Variants in PLCB4 observed in about 807,000 individuals in gnomAD.
PLCB4 encodes phospholipase C beta 4.
PLCB4 carries 77 observed loss-of-function variants against 178.8 expected under a neutral mutation model. That is an observed-to-expected ratio of 0.43 (90% CI 0.36 to 0.52). The LOEUF (loss-of-function observed/expected upper bound fraction) is 0.52, where lower values mean the gene tolerates loss of function less well. Ranked by LOEUF, PLCB4 falls within the 20% of genes least tolerant of loss-of-function variation. The pLI, the probability that PLCB4 is intolerant of heterozygous loss-of-function variation, is 0.00. For missense variants in PLCB4, 1,024 were observed against 1,453.4 expected (o/e 0.70, Z 4.80); for synonymous variants, 496 against 490.8 (o/e 1.01, Z -0.14).
intron 3 of PLCB4, among the ~76,000 whole-genome samples, chr20:9,233,399 A>G (rs2093955793): frequency 6.6e-6 from 1 of 152,112 alleles, no homozygotes; most frequent in African/African-American, 2.4e-5. Context: ...CCCTGATCTC[A>G]TAAAGGAACA....
At chr20:9,085,884 C>A (rs1045753193) in intron 1 of PLCB4, among the ~76,000 whole-genome samples, 1 of 152,152 alleles carries the variant, frequency 6.6e-6, no homozygotes, top group Non-Finnish European at 1.5e-5. Flanking sequence ...GGAATTAGTT[C>A]ATTTTCTGAA....
At chr20:9,119,401 T>G (rs147296777) in intron 2 of PLCB4, among the ~76,000 whole-genome samples, 1 of 152,134 alleles carries the variant, frequency 6.6e-6, no homozygotes, top group Non-Finnish European at 1.5e-5. Context: ...ATGAAAGTTT[T>G]GTAAAGGTCA....
chr20:9,286,711 T>A (rs949260423), intron 3 of PLCB4, among the ~76,000 whole-genome samples: 43 of 151,960 alleles, frequency 2.8e-4, no homozygotes, highest in African/African-American at 9.7e-4. Context: ...TCATTCTGAG[T>A]CATGACCTCA....
chr20:9,314,021 A>G (rs2094868940), intron 4 of PLCB4, among the ~76,000 whole-genome samples: 1 of 152,142 alleles, frequency 6.6e-6, no homozygotes, highest in Non-Finnish European at 1.5e-5. Context: ...TCAGTCAACC[A>G]CTCAAAGCAC....
At chr20:9,306,127 A>T (rs1035755633) in intron 3 of PLCB4, among the ~76,000 whole-genome samples, 4 of 151,864 alleles carry the variant, frequency 2.6e-5, no homozygotes, top group African/African-American at 9.7e-5. Flanking sequence ...TCTATTTTCT[A>T]TATCTCTAAC....
At chr20:9,253,198 G>A (rs1569023000) in intron 3 of PLCB4, among the ~76,000 whole-genome samples, 1 of 152,156 alleles carries the variant, frequency 6.6e-6, no homozygotes, top group African/African-American at 2.4e-5. Context: ...AACCAACTGT[G>A]ACTTCCCCAC....
chr20:9,384,912 C>G (rs1477426676), intron 14 of PLCB4, among the ~76,000 whole-genome samples: 1 of 151,556 alleles, frequency 6.6e-6, no homozygotes. Context: ...CAGATAAACA[C>G]GTGAACAAAG....
intron 3 of PLCB4, among the ~76,000 whole-genome samples, chr20:9,252,834 G>A (rs946919645): frequency 6.6e-6 from 1 of 152,146 alleles, no homozygotes; most frequent in Non-Finnish European, 1.5e-5. Context: ...GGATCCTGAA[G>A]CTCCTGGTTC....
Position 9,269,464 on chromosome 20 carries a change from A to G in PLCB4, c.-15-38336A>G, listed in dbSNP as rs550497846. ...TTAGCCTGGAGCTGTCAGCCATAAG[A>G]GATAATATGTTCAACTATGTCATCA... On this transcript the variant is annotated intron_variant, in intron 3 of 39. Coordinates refer to ENST00000378473, the MANE Select transcript of PLCB4 (RefSeq NM_001377142.1). Among the ~76,000 whole-genome samples the G allele has an allele frequency of 1.1e-3, 165 of 152,300 alleles. 2 individuals are homozygous for G. The highest frequency in any genetic ancestry group is 3.5e-3 in the African/African-American group (145 of 41,568).
chr20:9,342,697 C>T (rs2033365898), intron 7 of PLCB4, among the ~76,000 whole-genome samples: 1 of 150,098 alleles, frequency 6.7e-6, no homozygotes, highest in South Asian at 2.1e-4. Context: ...CTGAATGCCT[C>T]AGATAGCCAG....
At chr20:9,299,532 G>T (rs2094680180) in intron 3 of PLCB4, among the ~76,000 whole-genome samples, 1 of 151,838 alleles carries the variant, frequency 6.6e-6, no homozygotes. Context: ...ATAGCCTGTG[G>T]TTATTTTTTT....
intron 2 of PLCB4, among the ~76,000 whole-genome samples, chr20:9,154,905 C>CTCCTTCCCTCCTTCCCTCCT (rs1555847682): frequency 1.6e-5 from 1 of 62,336 alleles, no homozygotes; most frequent in Non-Finnish European, 3.2e-5. Context: ...CCCTCCTTCC[C>CTCCTTCCCTCCTTCCCTCCT]TCCTTCCTTC....
chr20:9,265,493 C>CA (rs1220824133), intron 3 of PLCB4, among the ~76,000 whole-genome samples: 1 of 151,922 alleles, frequency 6.6e-6, no homozygotes. Context: ...AAAAAACAGA[C>CA]AAAAAACAAA....
At chr20:9,142,174 A>G (rs1027438455) in intron 2 of PLCB4, among the ~76,000 whole-genome samples, 1 of 152,112 alleles carries the variant, frequency 6.6e-6, no homozygotes, top group Non-Finnish European at 1.5e-5. Context: ...CTCCTGGGAG[A>G]TGTTGTGGTC....
chr20:9,153,386 T>G (rs2092724218), intron 2 of PLCB4, among the ~76,000 whole-genome samples: 1 of 152,130 alleles, frequency 6.6e-6, no homozygotes, highest in South Asian at 2.1e-4. Context: ...AATTAAATCA[T>G]GGGGGTTGGT....
At chr20:9,337,006 T>C in intron 4 of PLCB4, 120 bp from the exon 5 acceptor site, 3 of 682,976 alleles carry the variant, frequency 4.4e-6, no homozygotes, top group Non-Finnish European at 2.7e-6. Context: ...ACAATAAGAA[T>C]TGTGGATATT....
At chr20:9,436,046 A>G (rs888944080) in intron 29 of PLCB4, among the ~76,000 whole-genome samples, 4 of 152,224 alleles carry the variant, frequency 2.6e-5, no homozygotes, top group African/African-American at 9.6e-5. Flanking sequence ...TGCTTTTTGA[A>G]GTTTCACTGT....
At chr20:9,161,779 C>T (rs533994128) in intron 2 of PLCB4, among the ~76,000 whole-genome samples, 8 of 152,132 alleles carry the variant, frequency 5.3e-5, no homozygotes, top group Admixed American at 1.3e-4. Context: ...TCTGTTCTAA[C>T]TTGAAAGGTA....
chr20:9,316,928 G>T lies in PLCB4; in HGVS notation c.84+9030G>T, dbSNP rs187332082. On this transcript the variant is annotated intron_variant, in intron 4 of 39. Coordinates refer to ENST00000378473, the MANE Select transcript of PLCB4 (RefSeq NM_001377142.1). ...AGAGCTCATTGTCATCCAAGCATGA[G>T]ACCTTTAAGGAAAGGTCTGTATTGT... Among the ~76,000 whole-genome samples, 4 of 152,268 alleles carry T rather than the reference G, an allele frequency of 2.6e-5. No homozygotes were observed. The East Asian group carries it at 7.7e-4, about 29-fold the overall frequency.
Sources: gnomAD v4.1 joint callset for allele counts (sites outside exome capture counted in the v4.1 genomes callset) on GRCh38, gnomAD v4.1.1 for gene constraint, MANE v1.5 for transcripts, NCBI Gene and HGNC (gene_info 2026-07-23, HGNC 2026-07-21) for gene names.